Variants in POT1 observed in about 807,000 individuals in gnomAD.
The protein encoded by POT1 is protection of telomeres 1, also known as protection of telomeres protein 1.
A neutral mutation model predicts 78.5 loss-of-function variants in POT1; 47 were observed. The ratio of observed to expected loss-of-function variants is 0.60; its 90% CI spans 0.47 to 0.76. POT1 has a LOEUF of 0.76. POT1 is among the 30% of genes least tolerant of loss of function. The probability of loss-of-function intolerance (pLI) is 0.00; values close to 1 mark genes in which losing one functional copy is unlikely to be tolerated. For synonymous variants in POT1, 259 were observed against 260.7 expected, an observed-to-expected ratio of 0.99 and a Z score of 0.06; for missense variants, 646 against 749.9, an observed-to-expected ratio of 0.86 and a Z score of 1.62.
intron 16 of POT1, chr7:124,829,050 G>A: frequency 1.3e-6 from 1 of 751,606 alleles, no homozygotes; most frequent in Non-Finnish European, 2.5e-6. Context: ...GGGAAAGTAT[G>A]TGACGGTGCC....
intron 10 of POT1, among the ~76,000 whole-genome samples, chr7:124,852,442 C>T (rs967760770): frequency 6.6e-6 from 1 of 152,042 alleles, no homozygotes; most frequent in Non-Finnish European, 1.5e-5. Context: ...CTTCTGCACA[C>T]AATACTCACT....
At chr7:124,841,236 C>A in intron 13 of POT1, 58 bp from the exon 14 acceptor site, 1 of 1,328,100 alleles carries the variant, frequency 7.5e-7, no homozygotes, top group South Asian at 1.3e-5. Flanking sequence ...GTGAAGATTT[C>A]CATTTAACAA....
chr7:124,892,209 T>C, intron 6 of POT1, 57 bp downstream of exon 6: 1 of 1,067,922 alleles, frequency 9.4e-7, no homozygotes, highest in Non-Finnish European at 1.4e-6. Flanking sequence ...TGGAACCGTG[T>C]TCCTAAATCA....
At chr7:124,924,743 A>C (rs1797233736) in intron 2 of POT1, among the ~76,000 whole-genome samples, 2 of 152,150 alleles carry the variant, frequency 1.3e-5, no homozygotes, top group Admixed American at 1.3e-4. Flanking sequence ...ATCCAACAGC[A>C]TGTCAAAAAG....
At chr7:124,906,158 T>C (rs1486416041) in intron 3 of POT1, among the ~76,000 whole-genome samples, 2 of 152,120 alleles carry the variant, frequency 1.3e-5, no homozygotes, top group Non-Finnish European at 1.5e-5. Context: ...CAAAGGATTA[T>C]AAATCATGCT....
intron 3 of POT1, among the ~76,000 whole-genome samples, chr7:124,901,678 C>T (rs539656008): frequency 6.6e-6 from 1 of 152,270 alleles, no homozygotes; most frequent in East Asian, 1.9e-4. Context: ...CAGAGAATAA[C>T]TTTGATGAGT....
chr7:124,850,905 G>GA lies in POT1; in HGVS notation c.949+966dup, dbSNP rs34336240. Among the ~76,000 whole-genome samples the GA allele has an allele frequency of 2.3e-3, 319 of 140,526 alleles. 1 individual carries two copies. The highest frequency in any genetic ancestry group is 5.0e-3 in the African/African-American group (196 of 38,906). 92.2% of individuals were successfully genotyped at this position (140,526 alleles called of 152,430 possible). On this transcript the variant is annotated intron_variant, in intron 11 of 18. Transcript: ENST00000357628. ...ATCATAGCAGGGTAGGAGTTAGGTA[G>GA]AAAAAAAAAAAAACAACAACAACAG...
intron 6 of POT1, among the ~76,000 whole-genome samples, chr7:124,879,128 TA>T (rs1422783920): frequency 1.3e-5 from 2 of 152,154 alleles, no homozygotes; most frequent in African/African-American, 4.8e-5. Context: ...GTAACACTTC[TA>T]AAAAATCATT....
Position 124,842,795 on chromosome 7 carries a change from G to A in POT1, c.1163+12C>T. ...ATATGAAAACGTTTGTTTTATTATG[G>A]AAAATACTCACAGCAAATGACATTT... On this transcript the variant is annotated intron_variant, in intron 13 of 18. Transcript: ENST00000357628. The A allele has an allele frequency of 6.3e-7, 1 of 1,585,884 alleles. No individual in the cohort carries two copies. Among genetic ancestry groups the A allele is most frequent in the Non-Finnish European group, 8.5e-7 (1 of 1,170,516 alleles).
chr7:124,903,914 C>T (rs566230176), intron 3 of POT1, among the ~76,000 whole-genome samples: 1 of 152,314 alleles, frequency 6.6e-6, no homozygotes, highest in South Asian at 2.1e-4. Context: ...ACTAGAAACT[C>T]TAGAAGAAAT....
rs545731096 is a variant in POT1, at chr7:124,825,384, A to C, written c.1687-27T>G. 3.3e-4 allele frequency: 468 copies of C among 1,397,824 alleles called. No homozygotes were observed. The highest frequency in any genetic ancestry group is 4.4e-4 in the Non-Finnish European group (438 of 1,001,406). 86.6% of individuals were successfully genotyped at this position (1,397,824 alleles called of 1,614,324 possible). On this transcript the variant is annotated intron_variant, in intron 17 of 18. Coordinates refer to ENST00000357628, the MANE Select transcript of POT1 (RefSeq NM_015450.3). ...TTAAAAATGTTTCATGAGAGAAAAA[A>C]AAAGGAAATAATATTAATCCTTTTT...
In POT1 at chr7:124,849,850, G is replaced by A. The variant is rs114896809; in HGVS notation, c.949+2022C>T. On this transcript the variant is annotated intron_variant, in intron 11 of 18. Coordinates refer to ENST00000357628, the MANE Select transcript of POT1 (RefSeq NM_015450.3). ...TTGAAGAAAGCAACTATTTATTATA[G>A]TGTGATTTCATTTTGGTAAAAATTT... Among the ~76,000 whole-genome samples the A allele has an allele frequency of 3.5e-3, 539 of 152,126 alleles. 5 individuals carry two copies. Among genetic ancestry groups the A allele is most frequent in the African/African-American group, 0.012 (506 of 41,518 alleles).
At chr7:124,858,486 A>G (rs927150662) in intron 9 of POT1, among the ~76,000 whole-genome samples, 2 of 152,134 alleles carry the variant, frequency 1.3e-5, no homozygotes, top group Admixed American at 1.3e-4. Flanking sequence ...ACACACACCC[A>G]ATTTATAATA....
intron 9 of POT1, among the ~76,000 whole-genome samples, chr7:124,856,059 T>C (rs1308206370): frequency 2.0e-5 from 3 of 152,134 alleles, no homozygotes; most frequent in African/African-American, 7.2e-5. Flanking sequence ...CTAAAATACA[T>C]TGCTTGTAGA....
At chr7:124,864,742 A>G (rs1394016269) in intron 7 of POT1, among the ~76,000 whole-genome samples, 1 of 151,992 alleles carries the variant, frequency 6.6e-6, no homozygotes, top group Non-Finnish European at 1.5e-5. Flanking sequence ...TACTTATCCC[A>G]TCCATCCTTT....
chr7:124,873,918 G>A (rs1374092697), intron 6 of POT1, among the ~76,000 whole-genome samples: 6 of 152,108 alleles, frequency 3.9e-5, no homozygotes, highest in Non-Finnish European at 8.8e-5. Context: ...ATACTACAAG[G>A]TGGCTACAGT....
chr7:124,857,580 G>T (rs1795477006), intron 9 of POT1, among the ~76,000 whole-genome samples: 1 of 152,220 alleles, frequency 6.6e-6, no homozygotes, highest in Non-Finnish European at 1.5e-5. Context: ...CTGGATGTCA[G>T]AGAGAAGCAG....
Position 124,884,087 on chromosome 7 carries a change from T to G in POT1, c.124+8179A>C, listed in dbSNP as rs926876405. 1.5e-4 allele frequency among the ~76,000 whole-genome samples: 23 copies of G among 152,200 alleles called. No homozygotes were observed. In the East Asian group the frequency reaches 4.4e-3, roughly 29 times the overall value. On this transcript the variant is annotated intron_variant, in intron 6 of 18. Coordinates refer to ENST00000357628, the MANE Select transcript of POT1 (RefSeq NM_015450.3). ...ATATATTCATTTAATGTGCAACCAG[T>G]ATTGCTAACACAAAACCAAAATATT... is the stretch of plus-strand genomic sequence containing the variant.
At chr7:124,856,107 T>C (rs189804732) in intron 9 of POT1, among the ~76,000 whole-genome samples, 74 of 152,282 alleles carry the variant, frequency 4.9e-4, no homozygotes, top group Middle Eastern at 3.4e-3. Flanking sequence ...CATTATACTG[T>C]CCTCTTTACT....
Sources: gnomAD v4.1 joint callset for allele counts (sites outside exome capture counted in the v4.1 genomes callset) on GRCh38, gnomAD v4.1.1 for gene constraint, MANE v1.5 for transcripts, NCBI Gene and HGNC (gene_info 2026-07-23, HGNC 2026-07-21) for gene names.